ENTREP2: variants seen among roughly 807,000 people sequenced by gnomAD.
The protein encoded by ENTREP2 is protein ENTREP2.
At chr15:29,285,814 A>G in the ENTREP2 span, among the ~76,000 whole-genome samples, 1 of 152,236 alleles carries the variant, frequency 6.6e-6, no homozygotes, top group African/African-American at 2.4e-5. Flanking sequence ...AATCCCAAAC[A>G]AAACATTAAC....
the ENTREP2 span, among the ~76,000 whole-genome samples, chr15:29,596,676 T>A: frequency 6.6e-5 from 10 of 152,180 alleles, no homozygotes; most frequent in South Asian, 2.1e-4. Flanking sequence ...TTTATTTTTT[T>A]ATTTTTTTTT....
chr15:29,596,663 A>AT, the ENTREP2 span, among the ~76,000 whole-genome samples: 1 of 151,662 alleles, frequency 6.6e-6, no homozygotes. Context: ...CATCCTAATT[A>AT]TTTTTATTTT....
At chr15:29,283,294 T>C in the ENTREP2 span, among the ~76,000 whole-genome samples, 2 of 152,324 alleles carry the variant, frequency 1.3e-5, no homozygotes, top group Admixed American at 1.3e-4. Flanking sequence ...AGAGACAGTG[T>C]AGTTTGCCAG....
chr15:29,140,628 C>A, the ENTREP2 span, among the ~76,000 whole-genome samples: 1 of 152,192 alleles, frequency 6.6e-6, no homozygotes, highest in Non-Finnish European at 1.5e-5. Flanking sequence ...TCCCCACCTC[C>A]CTTTCACCTG....
the ENTREP2 span, among the ~76,000 whole-genome samples, chr15:29,665,225 T>C: frequency 1.3e-5 from 2 of 152,148 alleles, no homozygotes; most frequent in Non-Finnish European, 2.9e-5. Context: ...TATCTGGCTG[T>C]GTAGGAGAAG....
the ENTREP2 span, among the ~76,000 whole-genome samples, chr15:29,522,149 A>G: frequency 6.6e-6 from 1 of 152,242 alleles, no homozygotes; most frequent in Non-Finnish European, 1.5e-5. Context: ...AATCACAGAC[A>G]TAAATGTAAA....
chr15:29,481,165 C>A, the ENTREP2 span, among the ~76,000 whole-genome samples: 146 of 152,298 alleles, frequency 9.6e-4, 1 homozygote, highest in African/African-American at 3.2e-3. Context: ...ATTCTGAAGA[C>A]GAGCCTGCAG....
the ENTREP2 span, among the ~76,000 whole-genome samples, chr15:29,414,747 G>T: frequency 6.6e-6 from 1 of 152,062 alleles, no homozygotes; most frequent in African/African-American, 2.4e-5. Context: ...TTGACAGACT[G>T]CTAGCAAGAC....
At chr15:29,174,710 C>T in the ENTREP2 span, among the ~76,000 whole-genome samples, 1 of 136,018 alleles carries the variant, frequency 7.4e-6, no homozygotes, top group African/African-American at 3.0e-5. Context: ...AACAAAACAA[C>T]AAAAAAAAAA....
the ENTREP2 span, among the ~76,000 whole-genome samples, chr15:29,605,707 G>GC: frequency 7.2e-5 from 11 of 151,816 alleles, no homozygotes; most frequent in African/African-American, 2.7e-4. Flanking sequence ...ATGATGGGGG[G>GC]GTGCCTATAA....
At chr15:29,405,537 T>C in the ENTREP2 span, among the ~76,000 whole-genome samples, 1 of 152,234 alleles carries the variant, frequency 6.6e-6, no homozygotes, top group Non-Finnish European at 1.5e-5. Flanking sequence ...TCCAGGTCAC[T>C]CCATGGGTGG....
the ENTREP2 span, among the ~76,000 whole-genome samples, chr15:29,654,532 T>G: frequency 6.6e-6 from 1 of 151,962 alleles, no homozygotes; most frequent in African/African-American, 2.4e-5. Context: ...CATGAATTTT[T>G]AAATTCCCCA....
the ENTREP2 span, among the ~76,000 whole-genome samples, chr15:29,476,282 A>G: frequency 6.6e-6 from 1 of 152,214 alleles, no homozygotes; most frequent in African/African-American, 2.4e-5. Context: ...ATTGTTTCAG[A>G]AGCCACCATA....
At chr15:29,591,832 G>GAGAAGAAGA in the ENTREP2 span, among the ~76,000 whole-genome samples, 5,930 of 139,948 alleles carry the variant, frequency 0.042, 169 homozygotes, top group Admixed American at 0.052. Flanking sequence ...CATCTCAAAA[G>GAGAAGAAGA]AGAAGAAGAA....
At chr15:29,300,724 G>A in the ENTREP2 span, among the ~76,000 whole-genome samples, 4 of 152,002 alleles carry the variant, frequency 2.6e-5, no homozygotes, top group East Asian at 1.9e-4. Flanking sequence ...TCAGCCTCCC[G>A]AGTAGCTGGG....
the ENTREP2 span, among the ~76,000 whole-genome samples, chr15:29,378,980 T>C: frequency 6.6e-6 from 1 of 152,184 alleles, no homozygotes; most frequent in Non-Finnish European, 1.5e-5. Context: ...GAGTGAGTTT[T>C]TGCTAATGAA....
At chr15:29,169,918 T>C in the ENTREP2 span, among the ~76,000 whole-genome samples, 1 of 152,214 alleles carries the variant, frequency 6.6e-6, no homozygotes, top group Non-Finnish European at 1.5e-5. Flanking sequence ...GAAGAAAAAC[T>C]GTCCAAGATG....
At chr15:29,341,686 A>AAT in the ENTREP2 span, among the ~76,000 whole-genome samples, 41 of 152,234 alleles carry the variant, frequency 2.7e-4, 1 homozygote, top group Non-Finnish European at 5.6e-4. Flanking sequence ...CGTGGAAGGG[A>AAT]ATAGTGAAGT....
chr15:29,608,485 C>T, the ENTREP2 span, among the ~76,000 whole-genome samples: 3 of 151,158 alleles, frequency 2.0e-5, no homozygotes, highest in Admixed American at 6.6e-5. Flanking sequence ...CCTAGGGGCT[C>T]GACTGCTCCT....
Sources: allele counts gnomAD v4.1 joint callset (sites outside exome capture counted in the v4.1 genomes callset), GRCh38; gene constraint gnomAD v4.1.1; transcripts MANE v1.5; gene names NCBI Gene and HGNC (gene_info 2026-07-23, HGNC 2026-07-21).